The following TDRD12 variants were observed in gnomAD, a reference collection of about 807,000 sequenced individuals.
TDRD12 encodes the protein putative ATP-dependent RNA helicase TDRD12.
Under a neutral mutation model 133.5 loss-of-function variants are expected in TDRD12, and 158 were observed. The ratio of observed to expected loss-of-function variants is 1.18; its 90% CI spans 1.04 to 1.35. The LOEUF (loss-of-function observed/expected upper bound fraction) is 1.35. Among genes scored for constraint, TDRD12 ranks in the 40% most tolerant of loss-of-function variants. TDRD12 has a pLI of 0.00. For missense variants in TDRD12, 1,443 were observed against 1,321.3 expected (o/e 1.09, Z -1.43); for synonymous variants, 460 against 477.9 (o/e 0.96, Z 0.49).
intron 19 of TDRD12, among the ~76,000 whole-genome samples, chr19:32,802,123 C>T (rs981351302): frequency 1.2e-4 from 17 of 146,076 alleles, no homozygotes; most frequent in African/African-American, 4.3e-4. Context: ...GCTTGAGGAT[C>T]ACTATCATAT....
intron 2 of TDRD12, among the ~76,000 whole-genome samples, chr19:32,736,670 A>AT (rs1437812307): frequency 3.3e-5 from 5 of 152,166 alleles, no homozygotes; most frequent in Non-Finnish European, 7.4e-5. Context: ...GCTGTACTGT[A>AT]TTTTCCAACT....
intron 7 of TDRD12, 55 bp downstream of exon 7, chr19:32,756,236 AGT>A: frequency 7.4e-7 from 1 of 1,345,510 alleles, no homozygotes; most frequent in Non-Finnish European, 9.6e-7. Context: ...TAATAATCTT[AGT>A]GTATAGATAT....
rs530686650 is a variant in TDRD12, at chr19:32,817,294, C to T, written c.3315-795C>T. Among the ~76,000 whole-genome samples, 8 of 152,142 alleles carry T rather than the reference C, an allele frequency of 5.3e-5. No individual in the cohort carries two copies. The East Asian group carries it at 1.5e-3, about 29-fold the overall frequency. On this transcript the variant is annotated intron_variant, in intron 26 of 27. Transcript: ENST00000444215. The stretch of plus-strand genomic sequence containing the variant: ...TTAAATAATAATTCCAGAGTCCACC[C>T]CCCGCCCAGCCCCCTACTCTCCTTT...
At chr19:32,759,109 G>T (rs1191466067) in intron 8 of TDRD12, among the ~76,000 whole-genome samples, 1 of 152,180 alleles carries the variant, frequency 6.6e-6, no homozygotes, top group Non-Finnish European at 1.5e-5. Flanking sequence ...AGGCATGGTG[G>T]CGTGTGCCTG....
chr19:32,815,640 C>G lies in TDRD12; in HGVS notation c.3314+20C>G. 2 of 1,520,266 alleles carry G rather than the reference C, an allele frequency of 1.3e-6. No homozygotes were observed. Among genetic ancestry groups the G allele is most frequent in the South Asian group, 1.2e-5 (1 of 81,300 alleles). The allele number at this position is 1,520,266 out of a possible 1,614,324, so 94.2% of individuals were successfully genotyped here. A position where few individuals can be genotyped will look rare whatever the true frequency, so the allele number is the denominator to read the frequency against. On this transcript the variant is annotated intron_variant, in intron 26 of 27. Transcript: ENST00000444215. ...GACCCCGTAAGTGGATTTCTGTCTC[C>G]TTTTTGGAAGAGTTGTTTTTTGGAA...
downstream of TDRD12, among the ~76,000 whole-genome samples, chr19:32,823,655 CG>C (rs1032397844): frequency 6.6e-6 from 1 of 152,054 alleles, no homozygotes; most frequent in Admixed American, 6.6e-5. Context: ...TTGGCCACAG[CG>C]GGGGGCAGCT....
rs183018122 is a variant in TDRD12 at position 32,731,693 on chromosome 19, G to A, written c.25-32G>A. On this transcript the variant is annotated intron_variant, in intron 1 of 27. Transcript: ENST00000444215. Reference sequence around the variant, plus strand: ...TTGTGGTACTACTTTTAAATCATACGCTGTTCTGTTTGTCTTTTAAAAAAT... The same window carrying A: ...TTGTGGTACTACTTTTAAATCATACACTGTTCTGTTTGTCTTTTAAAAAAT... The A allele has an allele frequency of 3.4e-5, 51 of 1,509,760 alleles. No individual in the cohort carries two copies. The Admixed American group carries it at 6.8e-4, about 20-fold the overall frequency. The allele number at this position is 1,509,760 out of a possible 1,614,324, so 93.5% of individuals were successfully genotyped here.
intron 4 of TDRD12, among the ~76,000 whole-genome samples, chr19:32,746,085 T>A (rs1396586354): frequency 1.4e-5 from 2 of 148,002 alleles, no homozygotes; most frequent in East Asian, 2.0e-4. Flanking sequence ...ATTCTGTGTG[T>A]GACAGAGGGG....
At chr19:32,723,778 G>A (rs565718781) in intron 1 of TDRD12, among the ~76,000 whole-genome samples, 60 of 151,206 alleles carry the variant, frequency 4.0e-4, no homozygotes, top group African/African-American at 1.4e-3. Context: ...ATTTCTTTCC[G>A]TCAGTGTTTT....
chr19:32,745,082 T>G (rs1316828994), intron 4 of TDRD12, among the ~76,000 whole-genome samples: 1 of 152,160 alleles, frequency 6.6e-6, no homozygotes, highest in Non-Finnish European at 1.5e-5. Flanking sequence ...CCCCCCCCAC[T>G]ACTCACCGAA....
At chr19:32,772,266 T>G (rs1970462301) in intron 8 of TDRD12, among the ~76,000 whole-genome samples, 2 of 152,192 alleles carry the variant, frequency 1.3e-5, no homozygotes, top group South Asian at 4.1e-4. Context: ...ATGGCTGGGC[T>G]TCAAATGTGA....
intron 16 of TDRD12, among the ~76,000 whole-genome samples, chr19:32,798,704 T>C (rs1022459521): frequency 6.6e-6 from 1 of 152,240 alleles, no homozygotes; most frequent in Non-Finnish European, 1.5e-5. Flanking sequence ...ATGATTTTTA[T>C]TTTAGAAAAT....
In TDRD12 at chr19:32,731,712, A is replaced by T. The variant is rs1969061005; in HGVS notation, c.25-13A>T. 5 of 1,526,516 alleles carry T rather than the reference A, an allele frequency of 3.3e-6. No individual in the cohort carries two copies. The highest frequency in any genetic ancestry group is 2.5e-5 in the East Asian group (1 of 40,558). 94.6% of individuals were successfully genotyped at this position (1,526,516 alleles called of 1,614,324 possible). On this transcript the variant is annotated splice_polypyrimidine_tract_variant and intron_variant, in intron 1 of 27. Transcript: ENST00000444215. ...TCATACGCTGTTCTGTTTGTCTTTT[A>T]AAAAATTTACAGATTGAAGATCCAG...
At chr19:32,781,034 C>T (rs1233811007) in intron 11 of TDRD12, among the ~76,000 whole-genome samples, 2 of 151,552 alleles carry the variant, frequency 1.3e-5, no homozygotes, top group East Asian at 1.9e-4. Context: ...GCTCCACCTC[C>T]TGGGTTCACG....
intron 2 of TDRD12, among the ~76,000 whole-genome samples, chr19:32,736,403 C>T (rs1260680473): frequency 6.6e-6 from 1 of 152,180 alleles, no homozygotes; most frequent in Non-Finnish European, 1.5e-5. Flanking sequence ...CAAAAAACAA[C>T]AAACAATTAG....
chr19:32,742,724 G>A (rs1017092016), intron 3 of TDRD12, 57 bp from the exon 4 acceptor site: 79 of 1,478,790 alleles, frequency 5.3e-5, no homozygotes, highest in African/African-American at 5.7e-5. Context: ...ATACTTTAAC[G>A]GAGTATGTTA....
intron 21 of TDRD12, among the ~76,000 whole-genome samples, chr19:32,806,100 A>G (rs1484480780): frequency 6.6e-6 from 1 of 152,020 alleles, no homozygotes; most frequent in Non-Finnish European, 1.5e-5. Flanking sequence ...TAGGGAGTGC[A>G]TTGATTGTGT....
At chr19:32,813,081 AAGG>A (rs1265229009) in intron 24 of TDRD12, among the ~76,000 whole-genome samples, 1 of 152,056 alleles carries the variant, frequency 6.6e-6, no homozygotes. Context: ...GAGGCTGAGT[AAGG>A]AGGATCGCTG....
intron 22 of TDRD12, 119 bp downstream of exon 22, chr19:32,807,767 A>G (rs1966881669): frequency 6.6e-6 from 4 of 609,082 alleles, no homozygotes; most frequent in East Asian, 6.3e-5. Context: ...CAGTATTAAC[A>G]TACCACCATT....
Sources: allele counts gnomAD v4.1 joint callset (sites outside exome capture counted in the v4.1 genomes callset), GRCh38; gene constraint gnomAD v4.1.1; transcripts MANE v1.5; gene names NCBI Gene and HGNC (gene_info 2026-07-23, HGNC 2026-07-21).